Variants in ARID1B observed in about 807,000 individuals in gnomAD.
ARID1B encodes AT-rich interaction domain 1B.
A neutral mutation model predicts 212.3 loss-of-function variants in ARID1B; 30 were observed. The observed-to-expected ratio is 0.14, with a 90% CI of 0.11 to 0.19. ARID1B has a LOEUF of 0.19. Among genes scored for constraint, ARID1B ranks in the 10% least tolerant of loss-of-function variants. ARID1B has a pLI of 1.00. For synonymous variants in ARID1B, 1,402 were observed against 1,301.7 expected, an observed-to-expected ratio of 1.08 and a Z score of -1.66; for missense variants, 2,891 against 3,204.0, an observed-to-expected ratio of 0.90 and a Z score of 2.36.
In ARID1B at chr6:157,200,513, C is replaced by G. The variant is rs1794020135; in HGVS notation, c.4480-192C>G. ...GAAAACAAACTTTGGATGCTCTCTCCTCAGTGTGTGACATGGTGTATATAA... is the reference window on the plus strand; with the variant it reads ...GAAAACAAACTTTGGATGCTCTCTCGTCAGTGTGTGACATGGTGTATATAA... On this transcript the variant is annotated intron_variant, in intron 17 of 19. Coordinates refer to ENST00000636930, the MANE Select transcript of ARID1B (RefSeq NM_001374828.1). The surrounding 1 kb of genome is among the most constrained non-coding windows in gnomAD (Gnocchi z 4.3). Among the ~76,000 whole-genome samples the G allele has an allele frequency of 6.6e-6, 1 of 152,096 alleles. No individual in the cohort carries two copies. Among genetic ancestry groups the G allele is most frequent in the African/African-American group, 2.4e-5 (1 of 41,398 alleles).
rs1007651183 is a variant in ARID1B at position 157,208,147 on chromosome 6, T to C, written c.*256T>C. 6 of 347,662 alleles carry C rather than the reference T, an allele frequency of 1.7e-5. No individual in the cohort carries two copies. Among genetic ancestry groups the C allele is most frequent in the Non-Finnish European group, 2.0e-5 (4 of 197,466 alleles). The allele number at this position is 347,662 out of a possible 1,614,324, so 21.5% of individuals were successfully genotyped here. Reference sequence around the variant, plus strand: ...CTTTTTTTTAACCAAAGTTGCTGTCTAGTGCATTCAAAGGTCACTTTTTGT... The same window carrying C: ...CTTTTTTTTAACCAAAGTTGCTGTCCAGTGCATTCAAAGGTCACTTTTTGT... On this transcript the variant is annotated 3_prime_UTR_variant, in exon 20 of 20. Transcript: ENST00000636930.
In ARID1B at chr6:157,190,842, G is replaced by A. The variant is rs1325138846; in HGVS notation, c.4231+632G>A. 6.6e-6 allele frequency among the ~76,000 whole-genome samples: 1 copy of A among 152,136 alleles called. No homozygotes were observed. Among genetic ancestry groups the A allele is most frequent in the South Asian group, 2.1e-4 (1 of 4,822 alleles). On this transcript the variant is annotated intron_variant, in intron 15 of 19. Coordinates refer to ENST00000636930, the MANE Select transcript of ARID1B (RefSeq NM_001374828.1). This position sits in a 1 kb window ranked among gnomAD's most constrained non-coding sequence, Gnocchi z 4.6. The stretch of plus-strand genomic sequence containing the variant: ...AGATAGCAGTGGCACTGGGTGGCGC[G>A]GTGGGAGAGAGGGAAAGCGATTTAG...
At chr6:156,824,970 T>C (rs1223138251) in intron 1 of ARID1B, among the ~76,000 whole-genome samples, 1 of 151,992 alleles carries the variant, frequency 6.6e-6, no homozygotes, top group Non-Finnish European at 1.5e-5. Flanking sequence ...GTTCAAGCAG[T>C]TCTCCTGCCT....
intron 4 of ARID1B, among the ~76,000 whole-genome samples, chr6:157,039,759 ACCTTCCTACCTACCTACCTT>A (rs1583197584): frequency 1.6e-5 from 1 of 64,286 alleles, no homozygotes; most frequent in Admixed American, 1.8e-4. Flanking sequence ...CTTCCTTCCT[ACCTTCCTACCTACCTACCTT>A]CCTTCCTTCC....
intron 4 of ARID1B, among the ~76,000 whole-genome samples, chr6:157,016,283 T>C (rs914358573): frequency 1.3e-5 from 2 of 152,176 alleles, no homozygotes; most frequent in African/African-American, 4.8e-5. Flanking sequence ...TAAACTTCAA[T>C]ACTCAATTGC....
chr6:157,118,594 C>A (rs1011310749), intron 6 of ARID1B, among the ~76,000 whole-genome samples: 8 of 152,218 alleles, frequency 5.3e-5, no homozygotes, highest in Non-Finnish European at 1.0e-4. Context: ...TATCTAGACA[C>A]CACTCTGGAA....
chr6:156,820,676 T>C (rs1034538846), intron 1 of ARID1B, among the ~76,000 whole-genome samples: 1 of 152,206 alleles, frequency 6.6e-6, no homozygotes, highest in Admixed American at 6.5e-5. Context: ...ACAGGCAGGA[T>C]TCTCACCCAG....
At chr6:156,786,722 A>G (rs914444471) in intron 1 of ARID1B, among the ~76,000 whole-genome samples, 3 of 152,214 alleles carry the variant, frequency 2.0e-5, no homozygotes, top group Admixed American at 1.3e-4. Flanking sequence ...CAATTGGCAA[A>G]TATTTATTGA....
chr6:156,882,638 C>G (rs541259000), intron 2 of ARID1B, among the ~76,000 whole-genome samples: 3 of 152,192 alleles, frequency 2.0e-5, no homozygotes, highest in Non-Finnish European at 4.4e-5. Flanking sequence ...ACACTGGCCA[C>G]ATACTCTTAG....
Position 156,778,093 on chromosome 6 carries a change from C to A in ARID1B, c.413C>A (p.Pro138Gln). The A allele has an allele frequency of 1.3e-6, 2 of 1,540,484 alleles. No individual in the cohort carries two copies. The highest frequency in any genetic ancestry group is 8.7e-7 in the Non-Finnish European group (1 of 1,146,320). The change falls in exon 1 of 20, where the codon CCG becomes CAG. Residue 138 changes from proline to glutamine, a missense_variant. By Grantham distance (76) the Pro-to-Gln change is moderately conservative. This residue lies in a region of ARID1B where 1,643 missense variants were observed against 1,544.0 expected (regional missense o/e 1.06). Coordinates refer to ENST00000636930, the MANE Select transcript of ARID1B (RefSeq NM_001374828.1). ...GCATCCTCTTCCTCCTCGTCGGGCC[C>A]GGGCTCGGCCATGGAGACGGGGCTG... ...AAASSSSSSG[P>Q]GSAMETGLLP... is the part of the protein sequence containing the mutation.
rs150552733 is a variant in ARID1B, at chr6:156,930,504, G to A, written c.2137-4962G>A. ...CAGTCTTAGGTATTTCTTTATAGCA[G>A]TGTGACAATGGACATATACAACCCT... On this transcript the variant is annotated intron_variant, in intron 3 of 19. Coordinates refer to ENST00000636930, the MANE Select transcript of ARID1B (RefSeq NM_001374828.1). 6.0e-4 allele frequency among the ~76,000 whole-genome samples: 92 copies of A among 152,306 alleles called. 1 individual carries two copies. In the East Asian group the frequency reaches 0.015, roughly 25 times the overall value.
chr6:157,131,208 A>C (rs993920374), intron 6 of ARID1B, among the ~76,000 whole-genome samples: 1 of 152,206 alleles, frequency 6.6e-6, no homozygotes, highest in African/African-American at 2.4e-5. Context: ...TAGTTTTGTT[A>C]ACCACCACGT....
chr6:156,995,966 G>T, intron 4 of ARID1B, among the ~76,000 whole-genome samples: 1 of 152,146 alleles, frequency 6.6e-6, no homozygotes, highest in East Asian at 1.9e-4. Context: ...CTCTCTCCCT[G>T]TGATATAAGC....
rs1300240343 is a variant in ARID1B at position 156,883,141 on chromosome 6, C to T, written c.1987-18235C>T. On this transcript the variant is annotated intron_variant, in intron 2 of 19. Coordinates refer to ENST00000636930, the MANE Select transcript of ARID1B (RefSeq NM_001374828.1). The stretch of plus-strand genomic sequence containing the variant: ...TCCCCATACCGACAGCATCTTACTT[C>T]GGGGCTCTCTCCCTGCATCAAATCT... Among the ~76,000 whole-genome samples, 11 of 152,192 alleles carry T rather than the reference C, an allele frequency of 7.2e-5. No homozygotes were observed. In the East Asian group the frequency reaches 9.6e-4, roughly 13 times the overall value.
intron 2 of ARID1B, among the ~76,000 whole-genome samples, chr6:156,868,858 T>C (rs984972894): frequency 3.3e-5 from 5 of 152,254 alleles, no homozygotes; most frequent in Non-Finnish European, 5.9e-5. Context: ...TTTTTGTCAA[T>C]TTTTAATAAC....
chr6:156,812,929 C>T, intron 1 of ARID1B, among the ~76,000 whole-genome samples: 1 of 102,336 alleles, frequency 9.8e-6, no homozygotes, highest in Non-Finnish European at 1.9e-5. Context: ...AAATTATAAT[C>T]CTGGGTGTGT....
At position 156,828,150 on chromosome 6, in the gene ARID1B, G is replaced by A. The variant is rs183647129; in HGVS notation, c.1792-1077G>A. On this transcript the variant is annotated intron_variant, in intron 1 of 19. Coordinates refer to ENST00000636930, the MANE Select transcript of ARID1B (RefSeq NM_001374828.1). ...TGTGATCATAGCTCACTGCAGCCTC[G>A]AACTCCTGGGGTCAAGTGATCTTCT... Among the ~76,000 whole-genome samples the A allele has an allele frequency of 2.7e-4, 40 of 148,718 alleles. No individual in the cohort carries two copies. In the East Asian group the frequency reaches 4.8e-3, roughly 18 times the overall value.
At chr6:157,115,649 G>A (rs540230062) in intron 6 of ARID1B, among the ~76,000 whole-genome samples, 45 of 152,224 alleles carry the variant, frequency 3.0e-4, no homozygotes, top group Admixed American at 5.2e-4. Flanking sequence ...GGATGGTCTC[G>A]ATCTCCTGAC....
chr6:157,016,770 A>G (rs1322811760), intron 4 of ARID1B, among the ~76,000 whole-genome samples: 1 of 152,242 alleles, frequency 6.6e-6, no homozygotes, highest in African/African-American at 2.4e-5. Flanking sequence ...TATTTTTACT[A>G]ATCTTTCTTA....
Sources: gnomAD v4.1 joint callset for allele counts (sites outside exome capture counted in the v4.1 genomes callset) on GRCh38, gnomAD v4.1.1 for gene constraint, gnomAD v4.1.1 regional missense constraint, Gnocchi (gnomAD v3.1) non-coding constraint, MANE v1.5 for transcripts, NCBI Gene and HGNC (gene_info 2026-07-23, HGNC 2026-07-21) for gene names.